Variants in ELOVL4 observed in about 807,000 individuals in gnomAD.
ELOVL4 encodes ELOVL fatty acid elongase 4, also known as very long chain fatty acid elongase 4.
Under a neutral mutation model 42.1 loss-of-function variants are expected in ELOVL4, and 18 were observed. That is an observed-to-expected ratio of 0.43 (90% CI 0.30 to 0.63). The LOEUF (loss-of-function observed/expected upper bound fraction) is 0.63. ELOVL4 is among the 30% of genes least tolerant of loss of function. The pLI is 0.15. For synonymous variants in ELOVL4, 117 were observed against 127.0 expected (o/e 0.92, Z 0.53); for missense variants, 299 against 376.2 (o/e 0.79, Z 1.70).
chr6:79,924,437 TAAA>T (rs1408054531), intron 3 of ELOVL4, among the ~76,000 whole-genome samples: 1 of 152,132 alleles, frequency 6.6e-6, no homozygotes, highest in Non-Finnish European at 1.5e-5. Context: ...TGCTGCAAAA[TAAA>T]AAACATTTTT....
intron 1 of ELOVL4, among the ~76,000 whole-genome samples, chr6:79,928,727 GTTTTTTTTTTTTTT>G (rs34673896): frequency 6.6e-5 from 5 of 75,582 alleles, no homozygotes; most frequent in African/African-American, 3.2e-4. Context: ...TGGTGACTGG[GTTTTTTTTTTTTTT>G]TTTTTTTTTT....
At chr6:79,938,939 T>G (rs1774594169) in intron 1 of ELOVL4, among the ~76,000 whole-genome samples, 1 of 152,316 alleles carries the variant, frequency 6.6e-6, no homozygotes, top group Admixed American at 6.5e-5. Flanking sequence ...GCACATTCAT[T>G]TGCACTATAG....
At chr6:79,916,991 T>A in intron 5 of ELOVL4, 108 bp from the exon 6 acceptor site, 2 of 1,268,136 alleles carry the variant, frequency 1.6e-6, no homozygotes, top group Non-Finnish European at 2.2e-6. Context: ...TTTGCCACAC[T>A]GTGCAAAATT....
chr6:79,947,323 CAG>C lies in ELOVL4; in HGVS notation c.-46_-45del, dbSNP rs754240881. 3 of 1,497,448 alleles carry C rather than the reference CAG, an allele frequency of 2.0e-6. No homozygotes were observed. Among genetic ancestry groups the C allele is most frequent in the South Asian group, 1.1e-5 (1 of 87,292 alleles). The allele number at this position is 1,497,448 out of a possible 1,614,324, so 92.8% of individuals were successfully genotyped here. Reference sequence around the variant, plus strand: ...CTGGCGGCAGGAGAAAGCGGAGACCCAGAGAGAGGGCTGACCCCGGAGGCGGT... The same window carrying C: ...CTGGCGGCAGGAGAAAGCGGAGACCCAGAGAGGGCTGACCCCGGAGGCGGT... On this transcript the variant is annotated 5_prime_UTR_variant, in exon 1 of 6. Transcript: ENST00000369816.
intron 4 of ELOVL4, among the ~76,000 whole-genome samples, chr6:79,921,003 C>T (rs1407406231): frequency 6.6e-6 from 1 of 152,090 alleles, no homozygotes; most frequent in Non-Finnish European, 1.5e-5. Context: ...ATTTGAGGGG[C>T]TGTGTCTTGG....
At chr6:79,938,490 A>G (rs1774587020) in intron 1 of ELOVL4, among the ~76,000 whole-genome samples, 1 of 152,238 alleles carries the variant, frequency 6.6e-6, no homozygotes, top group Non-Finnish European at 1.5e-5. Context: ...TCCTTTCACT[A>G]ACAAGTTTCT....
Position 79,916,265 on chromosome 6 carries a change from A to C in ELOVL4, c.*343T>G. 4.2e-6 allele frequency: 1 copy of C among 235,918 alleles called. No individual in the cohort carries two copies. The highest frequency in any genetic ancestry group is 7.4e-5 in the South Asian group (1 of 13,564). The allele number at this position is 235,918 out of a possible 1,614,324, so 14.6% of individuals were successfully genotyped here. On this transcript the variant is annotated 3_prime_UTR_variant, in exon 6 of 6. Coordinates refer to ENST00000369816, the MANE Select transcript of ELOVL4 (RefSeq NM_022726.4). Reference sequence around the variant, plus strand: ...AAAGACCGTTTCTGTGATCGTCTAAAATTCAGACCGAAGAATGAGTGACTA... The same window carrying C: ...AAAGACCGTTTCTGTGATCGTCTAACATTCAGACCGAAGAATGAGTGACTA...
At chr6:79,919,974 A>G (rs1445095689) in intron 4 of ELOVL4, among the ~76,000 whole-genome samples, 1 of 152,210 alleles carries the variant, frequency 6.6e-6, no homozygotes, top group Admixed American at 6.5e-5. Context: ...AGCACTACAC[A>G]CATTGAATAA....
At chr6:79,939,965 G>A (rs1275408670) in intron 1 of ELOVL4, among the ~76,000 whole-genome samples, 1 of 152,122 alleles carries the variant, frequency 6.6e-6, no homozygotes, top group Non-Finnish European at 1.5e-5. Flanking sequence ...ATATTCCATT[G>A]TATGTATATA....
intron 1 of ELOVL4, 37 bp from the exon 2 acceptor site, chr6:79,926,418 C>G (rs1774344802): frequency 6.3e-7 from 1 of 1,578,890 alleles, no homozygotes; most frequent in Non-Finnish European, 8.7e-7. Context: ...ATTCATTAAT[C>G]AGTAAATGTT....
intron 4 of ELOVL4, among the ~76,000 whole-genome samples, chr6:79,921,331 T>C (rs1204680349): frequency 6.6e-6 from 1 of 150,692 alleles, no homozygotes; most frequent in Non-Finnish European, 1.5e-5. Context: ...CGTGGTGGTG[T>C]GTGCCTGTAG....
intron 3 of ELOVL4, among the ~76,000 whole-genome samples, chr6:79,923,735 C>T (rs1292583277): frequency 6.6e-6 from 1 of 152,162 alleles, no homozygotes; most frequent in Non-Finnish European, 1.5e-5. Context: ...CCCCTGTCCC[C>T]AGTACCAACA....
intron 1 of ELOVL4, among the ~76,000 whole-genome samples, chr6:79,941,413 A>G (rs1190790887): frequency 1.3e-5 from 2 of 152,240 alleles, no homozygotes; most frequent in Admixed American, 6.5e-5. Context: ...TGCACAGACA[A>G]TGAAGAGAAC....
At chr6:79,930,192 A>G (rs1774420430) in intron 1 of ELOVL4, among the ~76,000 whole-genome samples, 2 of 152,214 alleles carry the variant, frequency 1.3e-5, no homozygotes, top group Admixed American at 6.5e-5. Flanking sequence ...GAAAAAAGCA[A>G]TGCCCTCACT....
chr6:79,915,142 T>G lies in ELOVL4; in HGVS notation c.*1466A>C, dbSNP rs1398215409. ...CAGCTTTGACATGTTGTTGAGATAC[T>G]TAAGAAATATTCATGCTTTTTTTTG... On this transcript the variant is annotated 3_prime_UTR_variant, in exon 6 of 6. Coordinates refer to ENST00000369816, the MANE Select transcript of ELOVL4 (RefSeq NM_022726.4). 2 of 152,470 alleles carry G rather than the reference T, an allele frequency of 1.3e-5. No homozygotes were observed. Among genetic ancestry groups the G allele is most frequent in the African/African-American group, 4.8e-5 (2 of 41,458 alleles). 9.4% of individuals were successfully genotyped at this position (152,470 alleles called of 1,614,324 possible).
chr6:79,928,450 G>A (rs896206507), intron 1 of ELOVL4, among the ~76,000 whole-genome samples: 12 of 152,124 alleles, frequency 7.9e-5, no homozygotes, highest in Admixed American at 3.3e-4. Flanking sequence ...TAAAGAAATA[G>A]GTCCAAACCT....
At chr6:79,939,443 C>G (rs1054584695) in intron 1 of ELOVL4, among the ~76,000 whole-genome samples, 3 of 152,044 alleles carry the variant, frequency 2.0e-5, no homozygotes, top group African/African-American at 7.2e-5. Flanking sequence ...GTCATCAGTT[C>G]TCCTTCTCCC....
chr6:79,932,777 G>C (rs1285469381), intron 1 of ELOVL4, among the ~76,000 whole-genome samples: 2 of 152,200 alleles, frequency 1.3e-5, no homozygotes, highest in Non-Finnish European at 2.9e-5. Context: ...GGAAGAGACA[G>C]ACATGAGAAT....
intron 1 of ELOVL4, among the ~76,000 whole-genome samples, chr6:79,932,725 C>T (rs1774468997): frequency 6.6e-6 from 1 of 152,072 alleles, no homozygotes; most frequent in South Asian, 2.1e-4. Flanking sequence ...TGATTTTGGC[C>T]AGATCACTTG....
Sources: allele counts gnomAD v4.1 joint callset (sites outside exome capture counted in the v4.1 genomes callset), GRCh38; gene constraint gnomAD v4.1.1; transcripts MANE v1.5; gene names NCBI Gene and HGNC (gene_info 2026-07-23, HGNC 2026-07-21).